PDGFRA: variants seen among roughly 807,000 people sequenced by gnomAD.
The protein encoded by PDGFRA is platelet-derived growth factor receptor alpha.
A neutral mutation model predicts 121.5 loss-of-function variants in PDGFRA; 25 were observed. That is an observed-to-expected ratio of 0.21 (90% CI 0.15 to 0.29). The LOEUF (loss-of-function observed/expected upper bound fraction) is 0.29. Among genes scored for constraint, PDGFRA ranks in the 10% least tolerant of loss-of-function variants. The probability of loss-of-function intolerance (pLI) is 1.00; values close to 1 mark genes in which losing one functional copy is unlikely to be tolerated. For missense variants in PDGFRA, 1,008 were observed against 1,345.1 expected (o/e 0.75, Z 3.92); for synonymous variants, 463 against 494.8 (o/e 0.94, Z 0.85).
At chr4:54,288,953 G>C (rs945780340) in intron 20 of PDGFRA, 55 bp downstream of exon 20, 9 of 1,521,534 alleles carry the variant, frequency 5.9e-6, no homozygotes, top group Non-Finnish European at 8.2e-6. Flanking sequence ...GGTCTAGGGG[G>C]AGGGAGGGGC....
chr4:54,254,056 G>A (rs1270570800), intron 1 of PDGFRA, among the ~76,000 whole-genome samples: 1 of 152,108 alleles, frequency 6.6e-6, no homozygotes, highest in Non-Finnish European at 1.5e-5. Context: ...TTGTGCACCT[G>A]ACTTTTAGGT....
intron 1 of PDGFRA, among the ~76,000 whole-genome samples, chr4:54,233,771 G>A (rs1164612522): frequency 6.6e-6 from 1 of 152,258 alleles, no homozygotes; most frequent in East Asian, 1.9e-4. Context: ...TTCTTGGGGG[G>A]CAGGCGCCGT....
At chr4:54,277,175 T>A (rs1294230834) in intron 12 of PDGFRA, 1 of 600,846 alleles carries the variant, frequency 1.7e-6, no homozygotes, top group Non-Finnish European at 3.0e-6. Context: ...TTTCTTTCCC[T>A]TGCAAGTGTT....
In PDGFRA at chr4:54,248,410, C is replaced by A. The variant is rs546483128; in HGVS notation, c.-12-10347C>A. Among the ~76,000 whole-genome samples the A allele has an allele frequency of 3.3e-3, 508 of 152,176 alleles. 2 individuals are homozygous for A. The highest frequency in any genetic ancestry group is 0.012 in the African/African-American group (483 of 41,500). ...AGAACAGAACCCTCAGAAATAACGCCGCATATCTACAACTATCTGATCTTT... is the reference window on the plus strand; with the variant it reads ...AGAACAGAACCCTCAGAAATAACGCAGCATATCTACAACTATCTGATCTTT... On this transcript the variant is annotated intron_variant, in intron 1 of 22. Transcript: ENST00000257290.
intron 7 of PDGFRA, among the ~76,000 whole-genome samples, chr4:54,268,339 T>A (rs1723153801): frequency 6.6e-6 from 1 of 152,194 alleles, no homozygotes; most frequent in South Asian, 2.1e-4. Context: ...TCAGCCACAG[T>A]TTCCTCATCT....
rs745464928 is a variant in PDGFRA, at chr4:54,285,953, C to G, written c.2552C>G (p.Ser851Trp). 1 of 1,614,076 alleles carries G rather than the reference C, an allele frequency of 6.2e-7. No individual in the cohort carries two copies. Among genetic ancestry groups the G allele is most frequent in the Non-Finnish European group, 8.5e-7 (1 of 1,179,900 alleles). ...ATCATGCATGATTCGAACTATGTGT[C>G]GAAAGGCAGTGTACGTCCTCACTTC... ...RDIMHDSNYV[S>W]KGSTFLPVKW... Residue 851 changes from serine to tryptophan, a missense_variant, in exon 18 of 23, where the codon TCG (serine) becomes TGG (tryptophan). Coordinates refer to ENST00000257290, the MANE Select transcript of PDGFRA (RefSeq NM_006206.6).
At chr4:54,276,540 C>A (rs775660571) in intron 12 of PDGFRA, among the ~76,000 whole-genome samples, 1 of 152,128 alleles carries the variant, frequency 6.6e-6, no homozygotes, top group African/African-American at 2.4e-5. Context: ...TATTTCCCAA[C>A]AAGGGATGAG....
intron 22 of PDGFRA, among the ~76,000 whole-genome samples, chr4:54,292,201 A>T (rs1487879275): frequency 2.6e-5 from 4 of 152,202 alleles, no homozygotes; most frequent in Admixed American, 2.0e-4. Context: ...TCATTCTATT[A>T]TAAAGGCACA....
In PDGFRA at chr4:54,263,663, A is replaced by G. The variant is rs944515268; in HGVS notation, c.368-4A>G. On this transcript the variant is annotated splice_polypyrimidine_tract_variant and splice_region_variant and intron_variant, in intron 3 of 22. Coordinates refer to ENST00000257290, the MANE Select transcript of PDGFRA (RefSeq NM_006206.6). ...TAGAGTCTTCATTCTTTTTTAAACC[A>G]CAGACCCAGATGTAGCCTTTGTACC... The G allele has an allele frequency of 1.4e-5, 23 of 1,613,404 alleles. No individual in the cohort carries two copies. The highest frequency in any genetic ancestry group is 1.6e-5 in the Non-Finnish European group (19 of 1,179,450).
chr4:54,289,536 G>A (rs1483579115), intron 21 of PDGFRA, among the ~76,000 whole-genome samples: 1 of 152,194 alleles, frequency 6.6e-6, no homozygotes, highest in Non-Finnish European at 1.5e-5. Context: ...GGGAAGCATT[G>A]TTCAAAGGAA....
At chr4:54,278,668 A>C (rs1486505176) in intron 15 of PDGFRA, among the ~76,000 whole-genome samples, 153 bp downstream of exon 15, 1 of 152,224 alleles carries the variant, frequency 6.6e-6, no homozygotes, top group East Asian at 1.9e-4. Context: ...TTCCATGGTC[A>C]TGCAGAGAGA....
intron 2 of PDGFRA, among the ~76,000 whole-genome samples, chr4:54,260,645 C>T (rs1722648917): frequency 6.6e-6 from 1 of 151,806 alleles, no homozygotes; most frequent in African/African-American, 2.4e-5. Flanking sequence ...TGAGCTCAAG[C>T]GATCCTCCCA....
chr4:54,287,570 G>A (rs2110342038), intron 19 of PDGFRA, 29 bp downstream of exon 19: 1 of 898,446 alleles, frequency 1.1e-6, no homozygotes, highest in Admixed American at 1.7e-5. Context: ...TGCTTATTTG[G>A]GCTGTTCTGA....
At chr4:54,273,463 A>T in intron 9 of PDGFRA, 74 bp from the exon 10 acceptor site, 1 of 1,176,554 alleles carries the variant, frequency 8.5e-7, no homozygotes, top group Non-Finnish European at 1.3e-6. Context: ...GCCATCTTAG[A>T]GTGTTCCCGT....
intron 7 of PDGFRA, among the ~76,000 whole-genome samples, chr4:54,269,448 T>G (rs1723205972): frequency 6.6e-6 from 1 of 151,956 alleles, no homozygotes; most frequent in South Asian, 2.1e-4. Flanking sequence ...CTTTTTCAAC[T>G]GTGATGATTT....
At chr4:54,265,401 A>G (rs765849605) in intron 5 of PDGFRA, 21 of 318,732 alleles carry the variant, frequency 6.6e-5, no homozygotes, top group Non-Finnish European at 1.0e-4. Flanking sequence ...GGAGACAGTG[A>G]TTGATTCTCA....
chr4:54,265,570 T>C (rs1245384989), intron 5 of PDGFRA, among the ~76,000 whole-genome samples: 1 of 152,186 alleles, frequency 6.6e-6, no homozygotes, highest in Non-Finnish European at 1.5e-5. Context: ...TGAACCGTTA[T>C]GATGTAATCA....
chr4:54,233,140 G>A (rs1720790239), intron 1 of PDGFRA, among the ~76,000 whole-genome samples: 1 of 152,174 alleles, frequency 6.6e-6, no homozygotes. Context: ...TGCCTGGGGC[G>A]CAGCGGCCTC....
chr4:54,292,250 A>G (rs1471848167), intron 22 of PDGFRA, among the ~76,000 whole-genome samples: 1 of 152,224 alleles, frequency 6.6e-6, no homozygotes, highest in Non-Finnish European at 1.5e-5. Context: ...TCACAATAGC[A>G]AAATCATGGA....
Sources: allele counts gnomAD v4.1 joint callset (sites outside exome capture counted in the v4.1 genomes callset), GRCh38; gene constraint gnomAD v4.1.1; transcripts MANE v1.5; gene names NCBI Gene and HGNC (gene_info 2026-07-23, HGNC 2026-07-21).